The following ABCA13 variants were observed in gnomAD, a reference collection of about 807,000 sequenced individuals.
ABCA13 encodes ATP binding cassette subfamily A member 13.
Under a neutral mutation model 478.7 loss-of-function variants are expected in ABCA13, and 476 were observed. The observed-to-expected ratio is 0.99, with a 90% confidence interval of 0.92 to 1.07. The LOEUF (loss-of-function observed/expected upper bound fraction) is 1.07, where lower values mean the gene tolerates loss of function less well. Ranked by LOEUF, ABCA13 falls within the 50% of genes least tolerant of loss-of-function variation. The pLI is 0.00. For synonymous variants in ABCA13, 2,252 were observed against 2,158.9 expected (o/e 1.04, Z -1.20); for missense variants, 6,060 against 5,910.6 (o/e 1.03, Z -0.83).
At chr7:48,252,125 T>C (rs908563551) in intron 15 of ABCA13, among the ~76,000 whole-genome samples, 41 of 152,156 alleles carry the variant, frequency 2.7e-4, no homozygotes, top group African/African-American at 9.7e-4. Context: ...TGCCCCTTTC[T>C]CTTTTTCTCG....
intron 49 of ABCA13, among the ~76,000 whole-genome samples, chr7:48,507,090 C>T (rs1831281059): frequency 6.6e-6 from 1 of 152,202 alleles, no homozygotes; most frequent in African/African-American, 2.4e-5. Context: ...GGTTGGGTTG[C>T]AGCTTGTCCT....
At chr7:48,623,927 T>C (rs1213808457) in intron 59 of ABCA13, among the ~76,000 whole-genome samples, 2 of 152,166 alleles carry the variant, frequency 1.3e-5, no homozygotes, top group Admixed American at 6.6e-5. Flanking sequence ...TTTTCCTCCA[T>C]TGAGGGTAGG....
Position 48,352,036 on chromosome 7 carries a change from C to T in ABCA13, c.10382-145C>T, listed in dbSNP as rs1446266753. On this transcript the variant is annotated intron_variant, in intron 30 of 61. Coordinates refer to ENST00000435803, the MANE Select transcript of ABCA13 (RefSeq NM_152701.5). ...GTGTGACTGAAAGTCAGCTTTGCCA[C>T]TGCGGGCTGGGGCTCTGAGTCTGCA... The T allele has an allele frequency of 5.5e-6, 4 of 729,384 alleles. No individual in the cohort carries two copies. In the East Asian group the frequency reaches 1.1e-4, roughly 19 times the overall value. The allele number at this position is 729,384 out of a possible 1,614,324, so 45.2% of individuals were successfully genotyped here. A position where few individuals can be genotyped will look rare whatever the true frequency, so the allele number is the denominator to read the frequency against.
intron 19 of ABCA13, 23 bp from the exon 20 acceptor site, chr7:48,287,937 T>A (rs950373737): frequency 6.3e-7 from 1 of 1,586,928 alleles, no homozygotes; most frequent in Non-Finnish European, 8.7e-7. Context: ...ATTAATTATT[T>A]CTCTGTGTGT....
chr7:48,401,598 C>A (rs957230659), intron 38 of ABCA13, among the ~76,000 whole-genome samples: 1 of 152,094 alleles, frequency 6.6e-6, no homozygotes, highest in South Asian at 2.1e-4. Context: ...ACCTTTATAC[C>A]CAATATGCAA....
At chr7:48,484,274 C>G (rs1327550144) in intron 47 of ABCA13, among the ~76,000 whole-genome samples, 1 of 152,182 alleles carries the variant, frequency 6.6e-6, no homozygotes, top group South Asian at 2.1e-4. Context: ...AATTTCCAGT[C>G]ATAGTGTGGA....
intron 3 of ABCA13, among the ~76,000 whole-genome samples, chr7:48,201,819 C>T (rs1057395489): frequency 2.0e-5 from 3 of 152,184 alleles, no homozygotes; most frequent in African/African-American, 4.8e-5. Context: ...AGAATGAAGC[C>T]GCAGACCCTC....
At chr7:48,310,762 A>C (rs1296855796) in intron 24 of ABCA13, among the ~76,000 whole-genome samples, 1 of 152,168 alleles carries the variant, frequency 6.6e-6, no homozygotes, top group East Asian at 1.9e-4. Flanking sequence ...TGAAGTCTGC[A>C]GGAGAGAGTG....
At chr7:48,501,131 G>T (rs73107574) in intron 48 of ABCA13, among the ~76,000 whole-genome samples, 19,095 of 152,086 alleles carry the variant, frequency 0.13, 1,471 homozygotes, top group African/African-American at 0.19. Flanking sequence ...GGGGCAGGCT[G>T]TTGTCTTATA....
At chr7:48,562,134 G>A (rs7799014) in intron 55 of ABCA13, among the ~76,000 whole-genome samples, 68,520 of 150,000 alleles carry the variant, frequency 0.46, 18,427 homozygotes, top group African/African-American at 0.75. Flanking sequence ...AAGTTTGCCT[G>A]CCTTTTTTTT....
At chr7:48,580,524 A>G in intron 56 of ABCA13, 150 bp downstream of exon 56, 2 of 680,590 alleles carry the variant, frequency 2.9e-6, no homozygotes, top group Non-Finnish European at 2.4e-6. Flanking sequence ...TAATATGATT[A>G]TACTGAAGAA....
intron 55 of ABCA13, among the ~76,000 whole-genome samples, chr7:48,579,016 T>C (rs867633164): frequency 1.3e-4 from 20 of 152,186 alleles, no homozygotes; most frequent in South Asian, 4.1e-4. Flanking sequence ...GATTGTAAAA[T>C]ACAAATTATA....
chr7:48,403,643 G>A (rs894079472), intron 38 of ABCA13, 40 bp from the exon 39 acceptor site: 9 of 1,585,880 alleles, frequency 5.7e-6, no homozygotes, highest in Admixed American at 5.2e-5. Flanking sequence ...AAAGTTTTAA[G>A]GTGTTCAGGG....
intron 31 of ABCA13, among the ~76,000 whole-genome samples, chr7:48,352,799 G>T (rs1809258662): frequency 6.6e-6 from 1 of 151,974 alleles, no homozygotes; most frequent in Non-Finnish European, 1.5e-5. Flanking sequence ...TCCAACAAAA[G>T]ATTCCACTTA....
At chr7:48,533,110 A>C in intron 55 of ABCA13, among the ~76,000 whole-genome samples, 1 of 151,932 alleles carries the variant, frequency 6.6e-6, no homozygotes, top group African/African-American at 2.4e-5. Context: ...GTGCTCTTTC[A>C]GATGTTTTGA....
intron 55 of ABCA13, among the ~76,000 whole-genome samples, chr7:48,567,430 T>C (rs763254448): frequency 1.3e-5 from 2 of 152,186 alleles, no homozygotes; most frequent in Non-Finnish European, 2.9e-5. Context: ...ATATATATTA[T>C]ATGGCTTTAC....
Position 48,389,037 on chromosome 7 carries a change from C to T in ABCA13, c.11474-3C>T, listed in dbSNP as rs1286943789. On this transcript the variant is annotated splice_polypyrimidine_tract_variant and splice_region_variant and intron_variant, in intron 36 of 61. Transcript: ENST00000435803. ...TCACAATGAATTTTCATCTCTCTCA[C>T]AGGGTCATCACTGCAAAACAGGGAA... 6.2e-7 allele frequency: 1 copy of T among 1,612,716 alleles called. No homozygotes were observed. Among genetic ancestry groups the T allele is most frequent in the East Asian group, 2.2e-5 (1 of 44,840 alleles).
Position 48,234,022 on chromosome 7 carries a change from A to G in ABCA13, c.768A>G (p.Pro256=). ...LQQHGVAVTE[P]VYHLSMQNIV... ...AATCTTTTGTTATTCCAACAGAGCC[A>G]GTTTACCACCTGTCCATGCAGAATA... is the stretch of plus-strand genomic sequence containing the variant. The change falls in exon 8 of 62, where the codon CCA becomes CCG. Residue 256 remains proline, a synonymous_variant. Coordinates refer to ENST00000435803, the MANE Select transcript of ABCA13 (RefSeq NM_152701.5). 6.2e-7 allele frequency: 1 copy of G among 1,613,906 alleles called. No homozygotes were observed. The highest frequency in any genetic ancestry group is 1.1e-5 in the South Asian group (1 of 91,074).
chr7:48,583,885 A>G (rs539515374), intron 56 of ABCA13, among the ~76,000 whole-genome samples: 1 of 152,342 alleles, frequency 6.6e-6, no homozygotes, highest in East Asian at 1.9e-4. Context: ...TTCAGAAAAC[A>G]TTGGATCAAA....
Sources: gnomAD v4.1 joint callset for allele counts (sites outside exome capture counted in the v4.1 genomes callset) on GRCh38, gnomAD v4.1.1 for gene constraint, MANE v1.5 for transcripts, NCBI Gene and HGNC (gene_info 2026-07-23, HGNC 2026-07-21) for gene names.